The following DENND1B variants were observed in gnomAD, a reference collection of about 807,000 sequenced individuals.
DENND1B encodes the protein DENN domain-containing protein 1B.
A neutral mutation model predicts 90.1 loss-of-function variants in DENND1B; 59 were observed. That is an observed-to-expected ratio of 0.65 (90% CI 0.53 to 0.81). The LOEUF (loss-of-function observed/expected upper bound fraction) is 0.81, where lower values mean the gene tolerates loss of function less well. Among genes scored for constraint, DENND1B ranks in the 40% least tolerant of loss-of-function variants. DENND1B has a pLI of 0.00. For missense variants in DENND1B, 862 were observed against 912.6 expected (o/e 0.94, Z 0.71); for synonymous variants, 337 against 324.6 (o/e 1.04, Z -0.41).
upstream of DENND1B, among the ~76,000 whole-genome samples, chr1:197,776,797 C>T (rs78701931): frequency 7.3e-3 from 1,076 of 148,150 alleles, 11 homozygotes; most frequent in African/African-American, 0.024. Context: ...AAAATGAGGA[C>T]GGGCCATAAC....
At chr1:197,726,637 T>C (rs950180581) in intron 2 of DENND1B, among the ~76,000 whole-genome samples, 3 of 152,194 alleles carry the variant, frequency 2.0e-5, no homozygotes, top group Admixed American at 1.3e-4. Flanking sequence ...GCATGAAGCA[T>C]AGTAGTTGAG....
At chr1:197,515,082 GTCT>G (rs992599554) in intron 20 of DENND1B, among the ~76,000 whole-genome samples, 2 of 151,524 alleles carry the variant, frequency 1.3e-5, no homozygotes, top group Admixed American at 1.3e-4. Context: ...CTAGATAATT[GTCT>G]TCTTTTATTG....
chr1:197,684,048 G>A (rs761098984), intron 3 of DENND1B, among the ~76,000 whole-genome samples: 5 of 152,126 alleles, frequency 3.3e-5, no homozygotes, highest in Non-Finnish European at 7.4e-5. Flanking sequence ...CATGTAAAAC[G>A]ACACCACTTT....
chr1:197,649,654 T>C (rs1231060632), intron 7 of DENND1B, among the ~76,000 whole-genome samples: 1 of 152,144 alleles, frequency 6.6e-6, no homozygotes, highest in Non-Finnish European at 1.5e-5. Flanking sequence ...GCTGGGATAA[T>C]TGGCTAGCCA....
chr1:197,618,815 C>T (rs573679875), intron 10 of DENND1B, among the ~76,000 whole-genome samples: 2 of 150,754 alleles, frequency 1.3e-5, no homozygotes, highest in East Asian at 2.0e-4. Flanking sequence ...TTCTATAAAC[C>T]GTTTTCTCTA....
chr1:197,606,696 CCTT>C lies in DENND1B; in HGVS notation c.921+374_921+376del, dbSNP rs1037089357. The C allele has an allele frequency of 3.7e-4, 61 of 162,806 alleles. 1 individual carries two copies. Among genetic ancestry groups the C allele is most frequent in the South Asian group, 1.6e-3 (9 of 5,718 alleles). The allele number at this position is 162,806 out of a possible 1,614,324, so 10.1% of individuals were successfully genotyped here. On this transcript the variant is annotated intron_variant, in intron 13 of 22. Transcript: ENST00000620048. The stretch of plus-strand genomic sequence containing the variant: ...GGAAGCAAAAGCCGATAATTGGCCC[CCTT>C]CTTCTTCTTGCCTTCAAAAACTCTC...
intron 1 of DENND1B, 110 bp downstream of exon 1, chr1:197,775,029 T>C: frequency 1.3e-6 from 1 of 779,664 alleles, no homozygotes; most frequent in Non-Finnish European, 1.7e-6. Context: ...CCGGCCAACC[T>C]CGGCCGCCCG....
At chr1:197,564,731 T>C (rs1306211571) in intron 15 of DENND1B, among the ~76,000 whole-genome samples, 2 of 151,974 alleles carry the variant, frequency 1.3e-5, no homozygotes, top group Non-Finnish European at 2.9e-5. Context: ...TAATAATGTA[T>C]ATTTCTGGGC....
intron 14 of DENND1B, among the ~76,000 whole-genome samples, chr1:197,586,389 T>C (rs12131160): frequency 0.16 from 23,891 of 152,174 alleles, 2,157 homozygotes; most frequent in Non-Finnish European, 0.2. Context: ...AAATGTATAT[T>C]TTTTCAGTTT....
At chr1:197,729,492 A>G (rs745424732) in intron 2 of DENND1B, among the ~76,000 whole-genome samples, 31 of 152,144 alleles carry the variant, frequency 2.0e-4, no homozygotes, top group Admixed American at 2.6e-4. Context: ...CTTAACACCA[A>G]AGAGAGGGAA....
At chr1:197,526,205 A>C (rs1403446745) in intron 20 of DENND1B, among the ~76,000 whole-genome samples, 1 of 152,116 alleles carries the variant, frequency 6.6e-6, no homozygotes, top group Non-Finnish European at 1.5e-5. Flanking sequence ...ACTAATAGGC[A>C]GCAGCAGTAG....
intron 3 of DENND1B, among the ~76,000 whole-genome samples, chr1:197,684,451 T>C (rs1657025152): frequency 6.6e-6 from 1 of 152,220 alleles, no homozygotes. Context: ...TGATGCCTCC[T>C]TGATCCTTAT....
At chr1:197,727,511 G>A (rs1661752783) in intron 2 of DENND1B, among the ~76,000 whole-genome samples, 1 of 151,136 alleles carries the variant, frequency 6.6e-6, no homozygotes, top group African/African-American at 2.4e-5. Context: ...CTCCAGCCTG[G>A]GAGACAGAGT....
chr1:197,585,341 ACTG>A lies in DENND1B; in HGVS notation c.1048-2091_1048-2089del, dbSNP rs1185697162. On this transcript the variant is annotated intron_variant, in intron 14 of 22. Transcript: ENST00000620048. ...TGCCTCTAATGGCAGTTCTGGCATCACTGCTATTACAAAGTAATCAGGACTAAT... is the reference window on the plus strand; with the variant it reads ...TGCCTCTAATGGCAGTTCTGGCATCACTATTACAAAGTAATCAGGACTAAT... 3.3e-5 allele frequency among the ~76,000 whole-genome samples: 5 copies of A among 152,360 alleles called. No individual in the cohort carries two copies. The East Asian group carries it at 5.8e-4, about 18-fold the overall frequency.
At chr1:197,589,949 AC>A (rs1282430812) in intron 14 of DENND1B, among the ~76,000 whole-genome samples, 4 of 152,138 alleles carry the variant, frequency 2.6e-5, no homozygotes, top group Non-Finnish European at 4.4e-5. Context: ...TTTAACTCAA[AC>A]AAACATTTCT....
At chr1:197,593,854 A>C (rs1207650327) in intron 14 of DENND1B, among the ~76,000 whole-genome samples, 1 of 152,092 alleles carries the variant, frequency 6.6e-6, no homozygotes, top group East Asian at 1.9e-4. Context: ...TGTAAACTTG[A>C]AATCAATCCC....
intron 17 of DENND1B, 21 bp downstream of exon 17, chr1:197,546,712 C>T (rs1257837455): frequency 2.0e-6 from 3 of 1,538,292 alleles, no homozygotes; most frequent in Admixed American, 2.1e-5. Context: ...GAAAGAATAA[C>T]ATTTGAAAGC....
chr1:197,724,970 G>A (rs1044901169), intron 2 of DENND1B, among the ~76,000 whole-genome samples: 1 of 151,864 alleles, frequency 6.6e-6, no homozygotes, highest in Non-Finnish European at 1.5e-5. Flanking sequence ...ATGGAGACCA[G>A]AATAAAATAA....
intron 16 of DENND1B, among the ~76,000 whole-genome samples, chr1:197,548,253 C>A (rs1670961441): frequency 6.6e-6 from 1 of 152,128 alleles, no homozygotes; most frequent in South Asian, 2.1e-4. Context: ...CTGTACTTTT[C>A]TACTGTAAAA....
Sources: gnomAD v4.1 joint callset for allele counts (sites outside exome capture counted in the v4.1 genomes callset) on GRCh38, gnomAD v4.1.1 for gene constraint, MANE v1.5 for transcripts, NCBI Gene and HGNC (gene_info 2026-07-23, HGNC 2026-07-21) for gene names.